PCGF6: variants seen among roughly 807,000 people sequenced by gnomAD.
The protein encoded by PCGF6 is polycomb group RING finger protein 6.
In PCGF6, 24 loss-of-function variants were observed where a neutral mutation model predicts 45.5. That is an observed-to-expected ratio of 0.53 (90% CI 0.38 to 0.74). The LOEUF is 0.74. Among genes scored for constraint, PCGF6 ranks in the 30% least tolerant of loss-of-function variants. The pLI is 0.00. For missense variants in PCGF6, 356 were observed against 443.2 expected, an observed-to-expected ratio of 0.80 and a Z score of 1.77; for synonymous variants, 152 against 162.1, an observed-to-expected ratio of 0.94 and a Z score of 0.47.
intron 7 of PCGF6, among the ~76,000 whole-genome samples, chr10:103,331,606 T>A (rs2093240266): frequency 6.6e-6 from 1 of 152,168 alleles, no homozygotes; most frequent in Non-Finnish European, 1.5e-5. Flanking sequence ...CAAATCCAAA[T>A]AATGTGCACA....
chr10:103,304,372 G>A (rs1367948642), intron 9 of PCGF6, among the ~76,000 whole-genome samples: 4 of 149,682 alleles, frequency 2.7e-5, no homozygotes, highest in African/African-American at 9.8e-5. Flanking sequence ...TCGGAATCTT[G>A]CTCTGTTGCC....
At chr10:103,331,936 G>A (rs1791023191) in intron 7 of PCGF6, among the ~76,000 whole-genome samples, 1 of 152,160 alleles carries the variant, frequency 6.6e-6, no homozygotes, top group South Asian at 2.1e-4. Context: ...GGGACAACAG[G>A]CACGCGCCAC....
intron 7 of PCGF6, among the ~76,000 whole-genome samples, chr10:103,326,915 G>A (rs2093220935): frequency 6.6e-6 from 1 of 152,106 alleles, no homozygotes; most frequent in Non-Finnish European, 1.5e-5. Context: ...AAAACTCAGA[G>A]TAAAATTTAT....
chr10:103,337,406 CAT>C (rs1382554370), intron 6 of PCGF6, among the ~76,000 whole-genome samples: 5 of 152,158 alleles, frequency 3.3e-5, no homozygotes, highest in African/African-American at 9.7e-5. Flanking sequence ...AAGAATATCA[CAT>C]GTTGATTCTT....
intron 6 of PCGF6, among the ~76,000 whole-genome samples, chr10:103,338,214 C>A (rs2093265103): frequency 6.6e-6 from 1 of 151,866 alleles, no homozygotes; most frequent in Non-Finnish European, 1.5e-5. Context: ...GCACTCCAGC[C>A]TTGACAACAA....
chr10:103,342,998 G>A (rs1173750380), intron 6 of PCGF6, among the ~76,000 whole-genome samples: 1 of 151,964 alleles, frequency 6.6e-6, no homozygotes, highest in African/African-American at 2.4e-5. Context: ...GCACCACCTC[G>A]GCTCACTGCA....
intron 7 of PCGF6, among the ~76,000 whole-genome samples, chr10:103,327,027 C>G (rs1384244891): frequency 1.3e-5 from 2 of 152,178 alleles, no homozygotes; most frequent in East Asian, 3.8e-4. Flanking sequence ...TGGCTCACGC[C>G]TGCAATCCCA....
intron 6 of PCGF6, among the ~76,000 whole-genome samples, chr10:103,340,710 C>A (rs377350224): frequency 1.3e-5 from 2 of 152,070 alleles, no homozygotes; most frequent in Non-Finnish European, 2.9e-5. Context: ...GATCCTCCCC[C>A]ATCAGCCTCC....
intron 3 of PCGF6, 85 bp downstream of exon 3, chr10:103,348,631 T>G (rs2093308400): frequency 9.5e-7 from 1 of 1,051,658 alleles, no homozygotes; most frequent in Admixed American, 2.6e-5. Context: ...TCCTGAGAGG[T>G]CAATAATTTA....
chr10:103,319,566 C>T (rs1270564231), intron 8 of PCGF6, among the ~76,000 whole-genome samples: 1 of 152,076 alleles, frequency 6.6e-6, no homozygotes, highest in Non-Finnish European at 1.5e-5. Context: ...TCCACTGTTG[C>T]ATTCATTACA....
At chr10:103,306,756 G>A (rs923636013) in intron 9 of PCGF6, among the ~76,000 whole-genome samples, 4 of 152,190 alleles carry the variant, frequency 2.6e-5, no homozygotes, top group Non-Finnish European at 5.9e-5. Context: ...GAAGTCAATA[G>A]GGAATGTTGA....
intron 9 of PCGF6, 64 bp downstream of exon 9, chr10:103,314,121 CT>C: frequency 1.1e-6 from 1 of 912,502 alleles, no homozygotes. Context: ...TGAAAACTTA[CT>C]GATAACATGG....
chr10:103,329,163 C>G (rs2093230622), intron 7 of PCGF6, among the ~76,000 whole-genome samples: 2 of 152,126 alleles, frequency 1.3e-5, no homozygotes, highest in African/African-American at 4.8e-5. Context: ...TCTCAGCCTC[C>G]CAAGTAGCTG....
intron 6 of PCGF6, among the ~76,000 whole-genome samples, chr10:103,335,386 CAG>C (rs1592070273): frequency 6.9e-6 from 1 of 145,868 alleles, no homozygotes; most frequent in Non-Finnish European, 1.5e-5. Context: ...TTTTTTGAGA[CAG>C]AGTCTCACTG....
intron 8 of PCGF6, among the ~76,000 whole-genome samples, chr10:103,318,159 T>A (rs2093183038): frequency 6.7e-6 from 1 of 148,684 alleles, no homozygotes; most frequent in Non-Finnish European, 1.5e-5. Context: ...AAAAATGGGA[T>A]CAACTGGGTG....
chr10:103,336,404 C>T (rs1390593174), intron 6 of PCGF6, among the ~76,000 whole-genome samples: 4 of 151,522 alleles, frequency 2.6e-5, no homozygotes, highest in African/African-American at 9.7e-5. Context: ...ATAAAATATA[C>T]ACATAAATAG....
At chr10:103,323,692 T>C (rs2093206189) in intron 8 of PCGF6, among the ~76,000 whole-genome samples, 1 of 150,766 alleles carries the variant, frequency 6.6e-6, no homozygotes, top group Admixed American at 6.6e-5. Context: ...TCCCGGGTAA[T>C]AGCGATTCTC....
At position 103,348,711 on chromosome 10, in the gene PCGF6, C is replaced by T. The variant is rs780993608; in HGVS notation, c.557+5G>A. On this transcript the variant is annotated splice_donor_5th_base_variant and intron_variant, in intron 3 of 9. Transcript: ENST00000369847. ...ATACAATTGTAATTTATATATTCTT[C>T]TTACCTTATGTTATAAAGAGGTTGT... The T allele has an allele frequency of 1.3e-6, 2 of 1,510,544 alleles. No homozygotes were observed. The highest frequency in any genetic ancestry group is 2.4e-5 in the South Asian group (2 of 84,264). The allele number at this position is 1,510,544 out of a possible 1,614,324, so 93.6% of individuals were successfully genotyped here.
At chr10:103,315,362 T>C (rs1424157479) in intron 8 of PCGF6, among the ~76,000 whole-genome samples, 1 of 151,894 alleles carries the variant, frequency 6.6e-6, no homozygotes, top group African/African-American at 2.4e-5. Flanking sequence ...ATTGTGTGTT[T>C]TTTAGTTCGT....
Sources: gnomAD v4.1 joint callset for allele counts (sites outside exome capture counted in the v4.1 genomes callset) on GRCh38, gnomAD v4.1.1 for gene constraint, MANE v1.5 for transcripts, NCBI Gene and HGNC (gene_info 2026-07-23, HGNC 2026-07-21) for gene names.